The following PUDP variants were observed in gnomAD, a reference collection of about 807,000 sequenced individuals.
PUDP encodes pseudouridine 5'-phosphatase.
A neutral mutation model predicts 9.4 loss-of-function variants in PUDP; 8 were observed. The ratio of observed to expected loss-of-function variants is 0.85; its 90% CI spans 0.50 to 1.53. The LOEUF is 1.53. PUDP is among the 40% of genes most tolerant of loss of function. The probability of loss-of-function intolerance (pLI) is 0.00; values close to 1 mark genes in which losing one functional copy is unlikely to be tolerated. For synonymous variants in PUDP, 99 were observed against 80.7 expected (o/e 1.23, Z -1.22); for missense variants, 188 against 189.7 (o/e 0.99, Z 0.05).
At chrX:6,781,928 T>C (rs1925569321) in intron 3 of PUDP, among the ~76,000 whole-genome samples, 1 of 112,434 alleles carries the variant, frequency 8.9e-6, no homozygotes, top group Admixed American at 9.4e-5. Flanking sequence ...GGTTGGGTCA[T>C]ACCTGACACA....
At chrX:7,010,256 C>G (rs1175616943) in intron 1 of PUDP, among the ~76,000 whole-genome samples, 2 of 111,665 alleles carry the variant, frequency 1.8e-5, no homozygotes, top group Admixed American at 1.9e-4. Flanking sequence ...AACAGTCATT[C>G]TACCCAAATC....
chrX:7,005,249 T>C (rs771868501), intron 1 of PUDP, among the ~76,000 whole-genome samples: 12 of 111,081 alleles, frequency 1.1e-4, no homozygotes, highest in Admixed American at 5.7e-4. Context: ...GGAGGTCATA[T>C]TGAACTAGAC....
At chrX:6,953,293 G>A (rs5934744) in intron 3 of PUDP, among the ~76,000 whole-genome samples, 34,248 of 107,914 alleles carry the variant, frequency 0.32, 4,579 homozygotes, top group Non-Finnish European at 0.41. Context: ...CTTTTCTTTC[G>A]TCTAGAAAAA....
intron 3 of PUDP, among the ~76,000 whole-genome samples, chrX:6,818,173 T>C (rs1926282577): frequency 8.9e-6 from 1 of 111,974 alleles, no homozygotes; most frequent in Non-Finnish European, 1.9e-5. Flanking sequence ...ACACCCTGAG[T>C]AGTATCCTTT....
chrX:7,073,439 T>C lies in PUDP; in HGVS notation c.510+3781A>G, dbSNP rs1930805322. On this transcript the variant is annotated intron_variant, in intron 3 of 3. Coordinates refer to ENST00000381077, the MANE Select transcript of PUDP (RefSeq NM_012080.5). ...GACACCTATGGCATGATCAATTCCC[T>C]AAGGCAATTCCCTAAGAGATTCAGA... 5.3e-5 allele frequency among the ~76,000 whole-genome samples: 6 copies of C among 112,318 alleles called. No individual in the cohort carries two copies. In the South Asian group the frequency reaches 1.8e-3, roughly 35 times the overall value.
chrX:6,856,924 G>A (rs1030766223), intron 3 of PUDP, among the ~76,000 whole-genome samples: 1 of 111,966 alleles, frequency 8.9e-6, no homozygotes, highest in East Asian at 2.8e-4. Context: ...GCATCCATAC[G>A]TATATTCAAA....
chrX:7,062,427 GAC>G (rs1930430070), intron 3 of PUDP, among the ~76,000 whole-genome samples: 1 of 111,981 alleles, frequency 8.9e-6, no homozygotes, highest in African/African-American at 3.3e-5. Flanking sequence ...GGTCATGAAA[GAC>G]AGGCATAATC....
intron 3 of PUDP, among the ~76,000 whole-genome samples, chrX:6,851,767 GCAC>G (rs1184479190): frequency 1.8e-5 from 2 of 110,729 alleles, no homozygotes; most frequent in African/African-American, 3.3e-5. Context: ...CTTAACACAG[GCAC>G]CACCAACTGT....
chrX:7,048,562 C>T (rs993373562), downstream of PUDP, among the ~76,000 whole-genome samples: 14 of 112,151 alleles, frequency 1.2e-4, no homozygotes, highest in African/African-American at 3.2e-4. Flanking sequence ...AAAACAGTAA[C>T]GGACATGAGA....
At position 6,947,530 on chromosome X, in the gene PUDP, C is replaced by T. The variant is rs936542668; in HGVS notation, c.*247+29603G>A. 2.7e-5 allele frequency among the ~76,000 whole-genome samples: 3 copies of T among 112,216 alleles called. No individual in the cohort carries two copies. The East Asian group carries it at 8.4e-4, about 31-fold the overall frequency. ...GTATGAGGCTGGGTGTAGTGGCTTA[C>T]GCCTGTAATCCCAACGCTTTGAGAG... On this transcript the variant is annotated intron_variant and NMD_transcript_variant, in intron 3 of 3. Transcript: ENST00000655425.
chrX:6,812,857 A>T (rs2146701812), intron 3 of PUDP, among the ~76,000 whole-genome samples: 1 of 112,109 alleles, frequency 8.9e-6, no homozygotes, highest in Non-Finnish European at 1.9e-5. Context: ...ACTTTGGGAG[A>T]CCAAAGTGTG....
chrX:6,950,669 C>T (rs1928541700), intron 3 of PUDP, among the ~76,000 whole-genome samples: 2 of 110,403 alleles, frequency 1.8e-5, no homozygotes, highest in African/African-American at 6.6e-5. Flanking sequence ...CTCGGCCTCC[C>T]ATAGTGCTGG....
intron 2 of PUDP, among the ~76,000 whole-genome samples, chrX:7,095,595 TGAG>T (rs1253873820): frequency 8.9e-6 from 1 of 112,146 alleles, no homozygotes; most frequent in African/African-American, 3.2e-5. Context: ...GAAATCTGGC[TGAG>T]GATAGGCCAG....
chrX:6,928,488 A>T (rs1478022785), intron 3 of PUDP, among the ~76,000 whole-genome samples: 1 of 111,764 alleles, frequency 8.9e-6, no homozygotes, highest in African/African-American at 3.2e-5. Context: ...TTGAGATCTT[A>T]TGTTTCATTT....
At chrX:7,134,541 G>A (rs1217955991) in intron 1 of PUDP, among the ~76,000 whole-genome samples, 7 of 112,094 alleles carry the variant, frequency 6.2e-5, no homozygotes, top group African/African-American at 2.3e-4. Flanking sequence ...AGCTTGTCAC[G>A]TAAGCACACC....
intron 3 of PUDP, among the ~76,000 whole-genome samples, chrX:6,726,850 TAA>T (rs781044958): frequency 4.5e-5 from 5 of 111,960 alleles, no homozygotes; most frequent in African/African-American, 1.6e-4. Context: ...TTATATTAAA[TAA>T]GAGACCAATC....
At chrX:6,926,349 A>T (rs1409183499) in intron 3 of PUDP, among the ~76,000 whole-genome samples, 1 of 112,224 alleles carries the variant, frequency 8.9e-6, no homozygotes, top group African/African-American at 3.2e-5. Flanking sequence ...GTGGAATTAG[A>T]GCACCTAAAA....
chrX:6,801,426 C>T (rs190972912), intron 3 of PUDP, among the ~76,000 whole-genome samples: 1 of 112,173 alleles, frequency 8.9e-6, no homozygotes, highest in Admixed American at 9.5e-5. Context: ...AACCAATGAC[C>T]GCCAACTGAG....
chrX:6,765,471 G>C lies in PUDP; in HGVS notation c.*248-59005C>G, dbSNP rs1208983315. Among the ~76,000 whole-genome samples, 19 of 111,774 alleles carry C rather than the reference G, an allele frequency of 1.7e-4. No homozygotes were observed. In the Admixed American group the frequency reaches 1.8e-3, roughly 11 times the overall value. The stretch of plus-strand genomic sequence containing the variant: ...ACAGGATAAACAAATCACGTCACAG[G>C]ATTCAAATTACAAATATTTTAATTA... On this transcript the variant is annotated intron_variant and NMD_transcript_variant, in intron 3 of 3. Transcript: ENST00000655425.
Sources: allele counts gnomAD v4.1 joint callset (sites outside exome capture counted in the v4.1 genomes callset), GRCh38; gene constraint gnomAD v4.1.1; transcripts MANE v1.5; gene names NCBI Gene and HGNC (gene_info 2026-07-23, HGNC 2026-07-21).